UBOX5: variants seen among roughly 807,000 people sequenced by gnomAD.
UBOX5 encodes the protein RING finger protein 37.
UBOX5 carries 28 observed loss-of-function variants against 39.0 expected under a neutral mutation model. That is an observed-to-expected ratio of 0.72 (90% confidence interval 0.53 to 0.98). The LOEUF is 0.98. UBOX5 is among the 50% of genes least tolerant of loss of function. The probability of loss-of-function intolerance (pLI) is 0.00; values close to 1 mark genes in which losing one functional copy is unlikely to be tolerated. For missense variants in UBOX5, 585 were observed against 674.4 expected (o/e 0.87, Z 1.47); for synonymous variants, 283 against 275.5 (o/e 1.03, Z -0.27).
intron 1 of UBOX5, among the ~76,000 whole-genome samples, chr20:3,135,454 G>A (rs1242620296): frequency 1.3e-5 from 2 of 152,164 alleles, no homozygotes; most frequent in African/African-American, 2.4e-5. Flanking sequence ...TAGCTATGGA[G>A]GTGGAGTAGG....
At chr20:3,156,815 T>A (rs2066691161) in intron 1 of UBOX5, 1 of 152,168 alleles carries the variant, frequency 6.6e-6, no homozygotes, top group African/African-American at 2.4e-5. Flanking sequence ...TAAGACACCT[T>A]AAACACATAC....
Position 3,121,389 on chromosome 20 carries a change from G to A in UBOX5, c.1250C>T (p.Ser417Leu), listed in dbSNP as rs762767779. Residue 417 changes from serine to leucine, a missense_variant, in exon 3 of 5, where the codon TCG (serine) becomes TTG (leucine). Physicochemically the swap from Ser to Leu is moderately radical, Grantham distance 145. Transcript: ENST00000217173. ...GACACAGGATGCTGAATTACCTGTC[G>A]AGCAGTCCATATGTGTCAGGCTGGG... is the stretch of plus-strand genomic sequence containing the variant. ...NEPSLTHMDC[S>L]TGPLSHEQKL... 3.5e-5 allele frequency: 57 copies of A among 1,607,636 alleles called. No homozygotes were observed. In the South Asian group the frequency reaches 4.0e-4, roughly 11 times the overall value.
chr20:3,118,165 A>C (rs2148590973), intron 3 of UBOX5, among the ~76,000 whole-genome samples: 1 of 151,594 alleles, frequency 6.6e-6, no homozygotes, highest in Admixed American at 6.6e-5. Context: ...TTTCCAAAAA[A>C]ACAAAACAAA....
At chr20:3,132,068 G>A (rs917461983) in intron 1 of UBOX5, among the ~76,000 whole-genome samples, 1 of 148,262 alleles carries the variant, frequency 6.7e-6, no homozygotes, top group African/African-American at 2.5e-5. Flanking sequence ...CCAGCACTTT[G>A]GGAGGCCAAG....
chr20:3,140,916 A>ATTTT (rs11365728), intron 1 of UBOX5, among the ~76,000 whole-genome samples: 12 of 111,994 alleles, frequency 1.1e-4, no homozygotes, highest in Non-Finnish European at 1.8e-4. Flanking sequence ...GGGTTGCCAG[A>ATTTT]TTTTTTTTTT....
chr20:3,132,029 A>AAAC (rs1568475057), intron 1 of UBOX5, among the ~76,000 whole-genome samples: 1 of 119,212 alleles, frequency 8.4e-6, no homozygotes, highest in African/African-American at 3.2e-5. Flanking sequence ...AAAAAAAAAA[A>AAAC]CTGGGCGTGG....
intron 4 of UBOX5, among the ~76,000 whole-genome samples, chr20:3,113,862 G>A (rs1254560958): frequency 6.6e-6 from 1 of 152,192 alleles, no homozygotes; most frequent in Non-Finnish European, 1.5e-5. Context: ...GCCTGGCCAT[G>A]ATGGCTCATG....
intron 4 of UBOX5, among the ~76,000 whole-genome samples, chr20:3,111,332 C>T (rs1297508503): frequency 1.3e-5 from 2 of 152,194 alleles, no homozygotes; most frequent in African/African-American, 4.8e-5. Context: ...TCCATTTCAT[C>T]ACCATAATCC....
intron 1 of UBOX5, among the ~76,000 whole-genome samples, chr20:3,158,169 A>G (rs2066708757): frequency 6.6e-6 from 1 of 151,794 alleles, no homozygotes; most frequent in African/African-American, 2.4e-5. Context: ...GAGTTTCCCT[A>G]TGTTGCCCCC....
intron 1 of UBOX5, chr20:3,152,023 T>G (rs561547212): frequency 5.7e-4 from 84 of 148,352 alleles, no homozygotes; most frequent in African/African-American, 2.0e-3. Flanking sequence ...AAGAGTCGCT[T>G]GAACCCAGGA....
intron 1 of UBOX5, among the ~76,000 whole-genome samples, chr20:3,155,052 C>CAAAAAAAAAAAAA (rs11326176): frequency 1.0e-5 from 1 of 96,098 alleles, no homozygotes; most frequent in Non-Finnish European, 2.0e-5. Context: ...GACACAGTCT[C>CAAAAAAAAAAAAA]AAAAAAAAAA....
intron 3 of UBOX5, chr20:3,116,528 T>C (rs1246809844): frequency 1.3e-5 from 2 of 152,216 alleles, no homozygotes; most frequent in East Asian, 1.9e-4. Context: ...GGAGCCCTAG[T>C]CAGCGTGGTC....
chr20:3,149,934 C>T lies in UBOX5; in HGVS notation c.-42+9832G>A, dbSNP rs1306193024. On this transcript the variant is annotated intron_variant, in intron 1 of 4. Coordinates refer to ENST00000217173, the MANE Select transcript of UBOX5 (RefSeq NM_014948.4). This position sits in a 1 kb window ranked among gnomAD's most constrained non-coding sequence, Gnocchi z 4.1. Reference sequence around the variant, plus strand: ...CTCAGGAGGCTGAGGCAGGAGAATCCCTTGAACCCAGGAGGCAGAGGTTGC... The same window carrying T: ...CTCAGGAGGCTGAGGCAGGAGAATCTCTTGAACCCAGGAGGCAGAGGTTGC... Among the ~76,000 whole-genome samples the T allele has an allele frequency of 6.6e-6, 1 of 151,666 alleles. No homozygotes were observed. The highest frequency in any genetic ancestry group is 2.4e-5 in the African/African-American group (1 of 41,238).
intron 3 of UBOX5, among the ~76,000 whole-genome samples, chr20:3,115,753 C>CTTTTTTT (rs11481933): frequency 8.0e-5 from 7 of 87,956 alleles, no homozygotes; most frequent in Admixed American, 1.5e-4. Flanking sequence ...CTGCACGCTC[C>CTTTTTTT]TTTTTTTTTT....
intron 4 of UBOX5, chr20:3,111,846 C>G (rs767490742): frequency 6.6e-6 from 1 of 152,260 alleles, no homozygotes; most frequent in East Asian, 1.9e-4. Context: ...GGCGCAGCAC[C>G]TCACAGGGCA....
intron 4 of UBOX5, 117 bp downstream of exon 4, chr20:3,115,188 G>A: frequency 7.4e-7 from 1 of 1,343,828 alleles, no homozygotes; most frequent in Non-Finnish European, 9.8e-7. Context: ...TGTTGGAACT[G>A]ACGGGGAGGC....
chr20:3,110,073 A>G lies in UBOX5; in HGVS notation c.*33T>C, dbSNP rs749332761. ...CTCCTGTTCCCCCTCAGCTCCTCCC[A>G]GCAATGGGTCTCCTCCAGTGGAGGT... On this transcript the variant is annotated 3_prime_UTR_variant, in exon 5 of 5. Transcript: ENST00000217173. The G allele has an allele frequency of 1.2e-6, 2 of 1,606,080 alleles. No homozygotes were observed. The highest frequency in any genetic ancestry group is 1.7e-6 in the Non-Finnish European group (2 of 1,179,466).
At chr20:3,133,913 C>T (rs560273082) in intron 1 of UBOX5, among the ~76,000 whole-genome samples, 229 of 152,044 alleles carry the variant, frequency 1.5e-3, no homozygotes, top group Non-Finnish European at 2.7e-3. Flanking sequence ...CCACCACATC[C>T]GGCTAATTTT....
At position 3,110,045 on chromosome 20, in the gene UBOX5, C is replaced by T. The variant is rs780271089; in HGVS notation, c.*61G>A. 5 of 1,593,122 alleles carry T rather than the reference C, an allele frequency of 3.1e-6. No individual in the cohort carries two copies. The highest frequency in any genetic ancestry group is 4.3e-6 in the Non-Finnish European group (5 of 1,173,548). Reference sequence around the variant, plus strand: ...GCCAGACCTCAGGGGTGCTGTGGCCCTGCTCCTGTTCCCCCTCAGCTCCTC... The same window carrying T: ...GCCAGACCTCAGGGGTGCTGTGGCCTTGCTCCTGTTCCCCCTCAGCTCCTC... On this transcript the variant is annotated 3_prime_UTR_variant, in exon 5 of 5. Transcript: ENST00000217173.
Sources: allele counts gnomAD v4.1 joint callset (sites outside exome capture counted in the v4.1 genomes callset), GRCh38; gene constraint gnomAD v4.1.1; non-coding constraint Gnocchi (gnomAD v3.1); transcripts MANE v1.5; gene names NCBI Gene and HGNC (gene_info 2026-07-23, HGNC 2026-07-21).